The following CFD variants were observed in gnomAD, a reference collection of about 807,000 sequenced individuals.
CFD encodes complement factor D.
Under a neutral mutation model 21.1 loss-of-function variants are expected in CFD, and 24 were observed. That is an observed-to-expected ratio of 1.14 (90% CI 0.82 to 1.60). CFD has a LOEUF of 1.60. CFD is among the 40% of genes most tolerant of loss of function. The probability of loss-of-function intolerance (pLI) is 0.00; values close to 1 mark genes in which losing one functional copy is unlikely to be tolerated. For synonymous variants in CFD, 242 were observed against 175.9 expected (o/e 1.38, Z -2.97); for missense variants, 535 against 383.3 (o/e 1.40, Z -3.31).
Position 861,911 on chromosome 19 carries a change from C to T in CFD, c.570C>T (p.Thr190=), listed in dbSNP as rs372792553. ...GCACGCACCACGACGGCGCCATCACCGAGCGCTTGATGTGCGCGGAGAGCA... is the reference window on the plus strand; with the variant it reads ...GCACGCACCACGACGGCGCCATCACTGAGCGCTTGATGTGCGCGGAGAGCA... The part of the protein sequence containing the change: ...NRRTHHDGAI[T]ERLMCAESNR... The change falls in exon 4 of 5, where the codon ACC becomes ACT. Residue 190 remains threonine (T), a synonymous_variant. Coordinates refer to ENST00000327726, the MANE Select transcript of CFD (RefSeq NM_001928.4). The T allele has an allele frequency of 7.3e-4, 1,153 of 1,574,138 alleles. 5 individuals carry two copies. The highest frequency in any genetic ancestry group is 5.7e-3 in the Middle Eastern group (34 of 5,966).
Position 860,711 on chromosome 19 carries a change from G to A in CFD, c.150G>A (p.Leu50=). 1 of 1,560,812 alleles carries A rather than the reference G, an allele frequency of 6.4e-7. No individual in the cohort carries two copies. Among genetic ancestry groups the A allele is most frequent in the South Asian group, 1.2e-5 (1 of 86,558 alleles). The change falls in exon 2 of 5, where the codon CTG becomes CTA. Residue 50 remains leucine (L), a synonymous_variant. Transcript: ENST00000327726. ...CGGTGCAGCTGAACGGCGCGCACCT[G>A]TGCGGCGGCGTCCTGGTGGCGGAGC... ...MASVQLNGAH[L]CGGVLVAEQW...
At chr19:861,489 G>A (rs912247347) in intron 3 of CFD, among the ~76,000 whole-genome samples, 1 of 88,444 alleles carries the variant, frequency 1.1e-5, no homozygotes, top group Non-Finnish European at 2.1e-5. Context: ...TTCCAGCCTC[G>A]ACCTTTGCAG....
At chr19:860,430 A>ACC (rs57197777) in intron 1 of CFD, among the ~76,000 whole-genome samples, 187 bp from the exon 2 acceptor site, 18,049 of 140,092 alleles carry the variant, frequency 0.13, 1,239 homozygotes, top group Middle Eastern at 0.25. Context: ...CATGATCTGC[A>ACC]CCCCCCCCTC....
intron 3 of CFD, 64 bp downstream of exon 3, chr19:861,069 C>T (rs1599300749): frequency 6.5e-7 from 1 of 1,527,568 alleles, no homozygotes; most frequent in South Asian, 1.2e-5. Context: ...CTCACTCCAC[C>T]CCGCCTACAC....
intron 1 of CFD, 72 bp downstream of exon 1, chr19:859,816 C>A: frequency 1.6e-6 from 2 of 1,241,498 alleles, no homozygotes; most frequent in Non-Finnish European, 2.3e-6. Flanking sequence ...GTCACACGGA[C>A]GGTCCTCCAG....
chr19:862,053 C>CAGGGA (rs1248653424), intron 4 of CFD, 97 bp downstream of exon 4: 4 of 1,445,810 alleles, frequency 2.8e-6, no homozygotes, highest in Non-Finnish European at 3.6e-6. Context: ...GAACAGGGCC[C>CAGGGA]AGGGAAGGGG....
Position 861,940 on chromosome 19 carries a change from G to T in CFD, c.599G>T (p.Arg200Leu). The change falls in exon 4 of 5, where the codon CGC becomes CTC. Residue 200 changes from arginine to leucine, a missense_variant. By Grantham distance (102) the Arg-to-Leu change is moderately radical. Coordinates refer to ENST00000327726, the MANE Select transcript of CFD (RefSeq NM_001928.4). ...CGCTTGATGTGCGCGGAGAGCAATC[G>T]CCGGGACAGCTGCAAGGTGAGCCTT... Reference protein sequence around the residue: ...TERLMCAESNRRDSCKGDSGG... With the variant: ...TERLMCAESNLRDSCKGDSGG... 6.4e-7 allele frequency: 1 copy of T among 1,552,534 alleles called. No homozygotes were observed. The highest frequency in any genetic ancestry group is 1.4e-5 in the African/African-American group (1 of 73,894).
Position 860,973 on chromosome 19 carries a change from G to A in CFD, c.325G>A (p.Asp109Asn). 6 of 1,599,542 alleles carry A rather than the reference G, an allele frequency of 3.8e-6. No individual in the cohort carries two copies. The highest frequency in any genetic ancestry group is 5.1e-6 in the Non-Finnish European group (6 of 1,179,480). The stretch of plus-strand genomic sequence containing the variant: ...AGTGCCCCACCCGGACAGCCAGCCC[G>A]ACACCATCGACCACGACCTCCTGCT... ...RAVPHPDSQP[D>N]TIDHDLLLLQ... Residue 109 changes from aspartate to asparagine, a missense_variant, in exon 3 of 5, where the codon GAC becomes AAC. Physicochemically the swap from Asp to Asn is conservative, Grantham distance 23. Coordinates refer to ENST00000327726, the MANE Select transcript of CFD (RefSeq NM_001928.4).
chr19:863,336 C>A lies in CFD; in HGVS notation c.*98C>A. The A allele has an allele frequency of 7.0e-7, 1 of 1,423,744 alleles. No individual in the cohort carries two copies. Among genetic ancestry groups the A allele is most frequent in the South Asian group, 1.2e-5 (1 of 81,732 alleles). The allele number at this position is 1,423,744 out of a possible 1,614,324, so 88.2% of individuals were successfully genotyped here. Reference sequence around the variant, plus strand: ...CTGGTTGGTCTTTATTGAGCACCTACTATATGCAGAAGGGGAGGCCGAGGT... The same window carrying A: ...CTGGTTGGTCTTTATTGAGCACCTAATATATGCAGAAGGGGAGGCCGAGGT... On this transcript the variant is annotated 3_prime_UTR_variant, in exon 5 of 5. Transcript: ENST00000327726.
At chr19:862,111 T>G (rs1599302332) in intron 4 of CFD, among the ~76,000 whole-genome samples, 155 bp downstream of exon 4, 1 of 22,456 alleles carries the variant, frequency 4.5e-5, no homozygotes. Context: ...AGCATGAGGG[T>G]GGCCCGTGGG....
chr19:860,477 A>G, intron 1 of CFD, 140 bp from the exon 2 acceptor site: 2 of 353,738 alleles, frequency 5.7e-6, no homozygotes, highest in Non-Finnish European at 9.0e-6. Context: ...AAGTGCTGGG[A>G]TTACAGGCGT....
rs1198090093 is a variant in CFD at position 860,929 on chromosome 19, T to A, written c.281T>A (p.Leu94Gln). ...TCGCAGCCGGAGCCCTCCAAGCGCCTGTACGACGTGCTCCGCGCAGTGCCC... is the reference window on the plus strand; with the variant it reads ...TCGCAGCCGGAGCCCTCCAAGCGCCAGTACGACGTGCTCCGCGCAGTGCCC... ...SLSQPEPSKR[L>Q]YDVLRAVPHP... The change falls in exon 3 of 5, where the codon CTG becomes CAG. Residue 94 changes from leucine to glutamine, a missense_variant. Physicochemically the swap from Leu to Gln is moderately radical, Grantham distance 113. Coordinates refer to ENST00000327726, the MANE Select transcript of CFD (RefSeq NM_001928.4). 5 of 1,600,898 alleles carry A rather than the reference T, an allele frequency of 3.1e-6. No homozygotes were observed. In the South Asian group the frequency reaches 3.3e-5, roughly 11 times the overall value.
intron 1 of CFD, 67 bp downstream of exon 1, chr19:859,811 A>T: frequency 7.7e-7 from 1 of 1,295,906 alleles, no homozygotes; most frequent in Non-Finnish European, 1.1e-6. Context: ...CTTCCGTCAC[A>T]CGGACGGTCC....
rs770359619 is a variant in CFD, at chr19:861,757, ACCGCGACGTGGCACCGGGAACTCT to A, written c.418_441del (p.Arg140_Leu147del). 2 of 1,605,708 alleles carry A rather than the reference ACCGCGACGTGGCACCGGGAACTCT, an allele frequency of 1.2e-6. No individual in the cohort carries two copies. The highest frequency in any genetic ancestry group is 1.7e-5 in the Admixed American group (1 of 59,718). On this transcript the variant is annotated inframe_deletion, in exon 4 of 5. Coordinates refer to ENST00000327726, the MANE Select transcript of CFD (RefSeq NM_001928.4). Reference sequence around the variant, plus strand: ...CGCCCCCTGCCCTGGCAGCGCGTGGACCGCGACGTGGCACCGGGAACTCTCTGCGACGTGGCCGGCTGGGGCATA... The same window carrying A: ...CGCCCCCTGCCCTGGCAGCGCGTGGACTGCGACGTGGCCGGCTGGGGCATA...
intron 2 of CFD, 29 bp downstream of exon 2, chr19:860,802 G>T: frequency 6.4e-7 from 1 of 1,557,368 alleles, no homozygotes; most frequent in Non-Finnish European, 8.6e-7. Flanking sequence ...CGGGGGAAGA[G>T]CCCGGGTGCG....
At position 861,848 on chromosome 19, in the gene CFD, G is replaced by A. The variant is rs761028235; in HGVS notation, c.507G>A (p.Val169=). ...GCCGCCCGGACAGCCTGCAGCACGT[G>A]CTCTTGCCAGTGCTGGACCGCGCCA... is the stretch of plus-strand genomic sequence containing the variant. ...AGRRPDSLQH[V]LLPVLDRATC... is the part of the protein sequence containing the mutation. The change falls in exon 4 of 5, where the codon GTG becomes GTA. Residue 169 remains valine, a synonymous_variant. Coordinates refer to ENST00000327726, the MANE Select transcript of CFD (RefSeq NM_001928.4). The A allele has an allele frequency of 2.5e-6, 4 of 1,599,108 alleles. No individual in the cohort carries two copies. In the South Asian group the frequency reaches 3.3e-5, roughly 13 times the overall value.
In CFD at chr19:861,802, G is replaced by A. The variant is rs2035799003; in HGVS notation, c.461G>A (p.Gly154Asp). 3 of 1,604,120 alleles carry A rather than the reference G, an allele frequency of 1.9e-6. No individual in the cohort carries two copies. Among genetic ancestry groups the A allele is most frequent in the Non-Finnish European group, 8.5e-7 (1 of 1,179,094 alleles). ...ACTCTCTGCGACGTGGCCGGCTGGG[G>A]CATAGTCAACCACGCGGGCCGCCGC... ...PGTLCDVAGW[G>D]IVNHAGRRPD... Residue 154 changes from glycine (G) to aspartate (D), a missense_variant, in exon 4 of 5, where the codon GGC becomes GAC. Coordinates refer to ENST00000327726, the MANE Select transcript of CFD (RefSeq NM_001928.4).
rs1330303289 is a variant in CFD, at chr19:860,724, C to G, written c.163C>G (p.Leu55Val). ...CGGCGCGCACCTGTGCGGCGGCGTCCTGGTGGCGGAGCAGTGGGTGCTGAG... is the reference window on the plus strand; with the variant it reads ...CGGCGCGCACCTGTGCGGCGGCGTCGTGGTGGCGGAGCAGTGGGTGCTGAG... ...LNGAHLCGGV[L>V]VAEQWVLSAA... The change falls in exon 2 of 5, where the codon CTG becomes GTG. Residue 55 changes from leucine (L) to valine (V), a missense_variant. By Grantham distance (32) the Leu-to-Val change is conservative. Transcript: ENST00000327726. 6.4e-7 allele frequency: 1 copy of G among 1,565,512 alleles called. No homozygotes were observed. The highest frequency in any genetic ancestry group is 8.6e-7 in the Non-Finnish European group (1 of 1,165,170).
Position 860,615 on chromosome 19 carries a change from A to G in CFD, c.56-2A>G. The G allele has an allele frequency of 1.4e-6, 2 of 1,440,464 alleles. No individual in the cohort carries two copies. The highest frequency in any genetic ancestry group is 1.4e-5 in the South Asian group (1 of 71,582). The allele number at this position is 1,440,464 out of a possible 1,614,324, so 89.2% of individuals were successfully genotyped here. Reference sequence around the variant, plus strand: ...GGCCCTCACGCGCCCGCCCACCCACAGCGGCGCCGCCCCGTGGTCGGATCC... The same window carrying G: ...GGCCCTCACGCGCCCGCCCACCCACGGCGGCGCCGCCCCGTGGTCGGATCC... On this transcript the variant is annotated splice_acceptor_variant, in intron 1 of 4. Coordinates refer to ENST00000327726, the MANE Select transcript of CFD (RefSeq NM_001928.4). LOFTEE classifies it high-confidence loss of function.
Sources: gnomAD v4.1 joint callset for allele counts (sites outside exome capture counted in the v4.1 genomes callset) on GRCh38, gnomAD v4.1.1 for gene constraint, MANE v1.5 for transcripts, NCBI Gene and HGNC (gene_info 2026-07-23, HGNC 2026-07-21) for gene names.